Variants in PTPN11 observed in about 807,000 individuals in gnomAD.
The protein encoded by PTPN11 is tyrosine-protein phosphatase non-receptor type 11.
In PTPN11, 6 loss-of-function variants were observed where a neutral mutation model predicts 78.8. That is an observed-to-expected ratio of 0.08 (90% CI 0.04 to 0.15). The LOEUF (loss-of-function observed/expected upper bound fraction) is 0.15. PTPN11 is among the 10% of genes least tolerant of loss of function. The pLI, the probability that PTPN11 is intolerant of heterozygous loss-of-function variation, is 1.00. For missense variants in PTPN11, 386 were observed against 744.8 expected (o/e 0.52, Z 5.61); for synonymous variants, 221 against 263.5 (o/e 0.84, Z 1.56).
intron 1 of PTPN11, among the ~76,000 whole-genome samples, chr12:112,440,464 C>T (rs575204021): frequency 1.2e-3 from 186 of 148,856 alleles, no homozygotes; most frequent in African/African-American, 4.2e-3. Flanking sequence ...TTAGTAGAGA[C>T]GGGGTTTCCC....
chr12:112,491,285 A>C (rs2038741942), intron 13 of PTPN11, among the ~76,000 whole-genome samples: 1 of 152,146 alleles, frequency 6.6e-6, no homozygotes, highest in African/African-American at 2.4e-5. Flanking sequence ...AAAAAAAAAA[A>C]AACCCTCAAA....
rs11066319 is a variant in PTPN11 at position 112,467,962 on chromosome 12, C to T, written c.757-4982C>T. ...ATTTGGAGGGGACAGACATCCAAAC[C>T]GTATCATTAAATTTAATAGTTTTAT... On this transcript the variant is annotated intron_variant, in intron 6 of 15. Coordinates refer to ENST00000351677, the MANE Select transcript of PTPN11 (RefSeq NM_002834.5). Among the ~76,000 whole-genome samples, 146 of 152,196 alleles carry T rather than the reference C, an allele frequency of 9.6e-4. 1 individual carries two copies. In the East Asian group the frequency reaches 0.024, roughly 25 times the overall value.
At chr12:112,480,665 C>T (rs906183967) in intron 9 of PTPN11, among the ~76,000 whole-genome samples, 1 of 152,184 alleles carries the variant, frequency 6.6e-6, no homozygotes, top group Non-Finnish European at 1.5e-5. Flanking sequence ...CAACCAAGAC[C>T]ACATCCTTTT....
At chr12:112,443,033 G>A (rs571075412) in intron 1 of PTPN11, among the ~76,000 whole-genome samples, 3 of 150,566 alleles carry the variant, frequency 2.0e-5, no homozygotes, top group Admixed American at 6.7e-5. Flanking sequence ...GTAAGTTGCA[G>A]ACATGGCGTC....
chr12:112,486,759 CA>C, intron 11 of PTPN11, 130 bp downstream of exon 11: 1 of 1,520,630 alleles, frequency 6.6e-7, no homozygotes, highest in Non-Finnish European at 8.8e-7. Context: ...AGGCATAGAG[CA>C]ACTGCATTGA....
intron 1 of PTPN11, among the ~76,000 whole-genome samples, chr12:112,422,578 T>C (rs904408183): frequency 6.6e-6 from 1 of 152,232 alleles, no homozygotes; most frequent in Non-Finnish European, 1.5e-5. Context: ...TTGGTTTATC[T>C]CTTGCAGGTC....
intron 13 of PTPN11, among the ~76,000 whole-genome samples, chr12:112,491,205 A>G (rs2038740551): frequency 6.6e-6 from 1 of 152,088 alleles, no homozygotes; most frequent in African/African-American, 2.4e-5. Context: ...AAGTTTTTAT[A>G]AACAGTTCTC....
chr12:112,492,359 A>T (rs2038756638), intron 13 of PTPN11, among the ~76,000 whole-genome samples: 1 of 152,172 alleles, frequency 6.6e-6, no homozygotes, highest in Non-Finnish European at 1.5e-5. Context: ...GTAGCAAAAA[A>T]TGTAGCAAAA....
At chr12:112,464,416 T>C (rs956236089) in intron 6 of PTPN11, among the ~76,000 whole-genome samples, 1 of 152,138 alleles carries the variant, frequency 6.6e-6, no homozygotes, top group African/African-American at 2.4e-5. Flanking sequence ...TGCCTGTTTC[T>C]TTTTTATTTT....
At chr12:112,496,274 G>A (rs1353033632) in intron 13 of PTPN11, among the ~76,000 whole-genome samples, 1 of 152,132 alleles carries the variant, frequency 6.6e-6, no homozygotes, top group African/African-American at 2.4e-5. Flanking sequence ...TCGTTTCTGA[G>A]TACTTCTCTA....
At position 112,431,628 on chromosome 12, in the gene PTPN11, G is replaced by A. The variant is rs899653013; in HGVS notation, c.14+12503G>A. ...GTACCAACTGGAGGAAATCGGAGAC[G>A]TGATCAGAGAACCAGAGTCAACCAG... On this transcript the variant is annotated intron_variant, in intron 1 of 15. Transcript: ENST00000351677. 7.2e-5 allele frequency among the ~76,000 whole-genome samples: 11 copies of A among 152,172 alleles called. No homozygotes were observed. The East Asian group carries it at 1.9e-3, about 27-fold the overall frequency.
intron 13 of PTPN11, among the ~76,000 whole-genome samples, chr12:112,489,836 G>A (rs905899964): frequency 5.3e-5 from 8 of 152,126 alleles, no homozygotes; most frequent in African/African-American, 1.9e-4. Flanking sequence ...TCAGTGGCGA[G>A]TGCCTGCATT....
chr12:112,442,546 G>A (rs1047244905), intron 1 of PTPN11, among the ~76,000 whole-genome samples: 1 of 151,710 alleles, frequency 6.6e-6, no homozygotes, highest in Admixed American at 6.6e-5. Flanking sequence ...TCACCTTCTG[G>A]GTTCAAGTGA....
At chr12:112,454,795 C>A in intron 5 of PTPN11, 115 bp downstream of exon 5, 2 of 732,780 alleles carry the variant, frequency 2.7e-6, no homozygotes, top group Admixed American at 2.0e-5. Context: ...TCCATGTACC[C>A]ATTGCAGCTT....
intron 1 of PTPN11, among the ~76,000 whole-genome samples, chr12:112,437,466 T>C (rs2037813094): frequency 6.6e-6 from 1 of 152,156 alleles, no homozygotes; most frequent in African/African-American, 2.4e-5. Flanking sequence ...CGGCCTAAAA[T>C]TTATTCTGAT....
At chr12:112,425,819 C>G (rs1290806767) in intron 1 of PTPN11, among the ~76,000 whole-genome samples, 1 of 152,182 alleles carries the variant, frequency 6.6e-6, no homozygotes, top group African/African-American at 2.4e-5. Context: ...GCCTCAACCT[C>G]CTGGGCTCAA....
chr12:112,442,429 T>C (rs1021185641), intron 1 of PTPN11, among the ~76,000 whole-genome samples: 46 of 152,136 alleles, frequency 3.0e-4, no homozygotes, highest in African/African-American at 1.0e-3. Context: ...CTTTGAGTGT[T>C]ATGTGGGCAC....
In PTPN11 at chr12:112,478,561, A is replaced by G. The variant is rs559935603; in HGVS notation, c.1092+546A>G. On this transcript the variant is annotated intron_variant, in intron 9 of 15. Coordinates refer to ENST00000351677, the MANE Select transcript of PTPN11 (RefSeq NM_002834.5). ...TTCATTTCGAATAGCTTCTTTTGCT[A>G]TGTCTCCAAGTTAATCTTCTGCAAT... 8.5e-5 allele frequency among the ~76,000 whole-genome samples: 13 copies of G among 152,216 alleles called. No homozygotes were observed. The East Asian group carries it at 9.6e-4, about 11-fold the overall frequency.
intron 6 of PTPN11, among the ~76,000 whole-genome samples, chr12:112,465,422 A>C (rs377280270): frequency 9.6e-5 from 14 of 146,314 alleles, no homozygotes; most frequent in Admixed American, 1.4e-4. Context: ...GTGTATCACA[A>C]AAAAAAAAAA....
Sources: gnomAD v4.1 joint callset for allele counts (sites outside exome capture counted in the v4.1 genomes callset) on GRCh38, gnomAD v4.1.1 for gene constraint, MANE v1.5 for transcripts, NCBI Gene and HGNC (gene_info 2026-07-23, HGNC 2026-07-21) for gene names.